Variants in VAV3 observed in about 807,000 individuals in gnomAD.
VAV3 encodes vav guanine nucleotide exchange factor 3, also known as guanine nucleotide exchange factor VAV3.
A neutral mutation model predicts 131.2 loss-of-function variants in VAV3; 94 were observed. That is an observed-to-expected ratio of 0.72 (90% CI 0.61 to 0.85). The LOEUF is 0.85. Among genes scored for constraint, VAV3 ranks in the 40% least tolerant of loss-of-function variants. VAV3 has a pLI of 0.00. For synonymous variants in VAV3, 349 were observed against 342.0 expected (o/e 1.02, Z -0.22); for missense variants, 939 against 1,002.7 (o/e 0.94, Z 0.86).
chr1:107,679,824 T>C (rs1658477131), intron 19 of VAV3, among the ~76,000 whole-genome samples: 1 of 152,212 alleles, frequency 6.6e-6, no homozygotes, highest in African/African-American at 2.4e-5. Context: ...TTGATATGTC[T>C]GTTACAAGTG....
Position 107,898,533 on chromosome 1 carries a change from C to T in VAV3, c.205-23516G>A, listed in dbSNP as rs115048918. 6.5e-3 allele frequency among the ~76,000 whole-genome samples: 983 copies of T among 152,216 alleles called. 11 individuals are homozygous for T. Among genetic ancestry groups the T allele is most frequent in the African/African-American group, 0.023 (943 of 41,538 alleles). On this transcript the variant is annotated intron_variant, in intron 1 of 26. Transcript: ENST00000370056. ...TAAGTGCTCTGTTACTTAATACATC[C>T]ATTTACATTATTACCATAAAGATGA... is the stretch of plus-strand genomic sequence containing the variant.
intron 1 of VAV3, among the ~76,000 whole-genome samples, chr1:107,928,670 C>G (rs769621143): frequency 2.0e-5 from 3 of 152,050 alleles, no homozygotes; most frequent in Non-Finnish European, 4.4e-5. Flanking sequence ...AATTAGTGAG[C>G]TTGACAGCAG....
chr1:107,803,802 G>T (rs1666935039), intron 2 of VAV3, among the ~76,000 whole-genome samples: 1 of 151,974 alleles, frequency 6.6e-6, no homozygotes, highest in Admixed American at 6.6e-5. Context: ...CTGTTTCTTT[G>T]TTGATTTTTT....
intron 20 of VAV3, among the ~76,000 whole-genome samples, chr1:107,636,843 A>C (rs1654966958): frequency 6.6e-6 from 1 of 152,192 alleles, no homozygotes; most frequent in Non-Finnish European, 1.5e-5. Context: ...GCAAAGTAGC[A>C]CTTAGAAAGA....
intron 15 of VAV3, among the ~76,000 whole-genome samples, chr1:107,743,109 G>A (rs1322127248): frequency 6.6e-6 from 1 of 152,202 alleles, no homozygotes; most frequent in East Asian, 1.9e-4. Flanking sequence ...AAAACTGATA[G>A]GAGATGGGGC....
intron 19 of VAV3, among the ~76,000 whole-genome samples, chr1:107,679,026 G>C (rs1272346420): frequency 6.6e-6 from 1 of 152,068 alleles, no homozygotes; most frequent in Non-Finnish European, 1.5e-5. Flanking sequence ...TTTGCGGAAA[G>C]GGGCCATGTT....
chr1:107,955,983 A>G (rs935021083), intron 1 of VAV3, among the ~76,000 whole-genome samples: 2 of 152,182 alleles, frequency 1.3e-5, no homozygotes, highest in Non-Finnish European at 2.9e-5. Context: ...AATATATCTC[A>G]CATCAAATGA....
intron 2 of VAV3, among the ~76,000 whole-genome samples, chr1:107,832,077 A>G (rs1292411862): frequency 6.6e-6 from 1 of 152,244 alleles, no homozygotes; most frequent in African/African-American, 2.4e-5. Flanking sequence ...CCAGGTGTGA[A>G]GTAAAGTCAG....
intron 2 of VAV3, among the ~76,000 whole-genome samples, chr1:107,866,589 G>C (rs1454705994): frequency 6.6e-6 from 1 of 151,938 alleles, no homozygotes; most frequent in East Asian, 1.9e-4. Context: ...GGGAGAGGCG[G>C]GTGGATCACC....
At chr1:107,772,630 C>G in intron 5 of VAV3, 105 bp downstream of exon 5, 1 of 932,226 alleles carries the variant, frequency 1.1e-6, no homozygotes, top group East Asian at 2.6e-5. Flanking sequence ...TATAAGCAAG[C>G]AAAGGTTAAA....
chr1:107,723,981 T>C (rs1485853408), intron 15 of VAV3, among the ~76,000 whole-genome samples: 1 of 152,064 alleles, frequency 6.6e-6, no homozygotes, highest in Non-Finnish European at 1.5e-5. Context: ...CATTTCTAAA[T>C]TGAAGCTCAG....
intron 1 of VAV3, among the ~76,000 whole-genome samples, chr1:107,912,796 C>A (rs956344309): frequency 2.0e-5 from 3 of 152,328 alleles, no homozygotes; most frequent in South Asian, 2.1e-4. Context: ...CCCTTAGGAA[C>A]CACATCTCTC....
At chr1:107,583,836 T>C (rs1210442813) in intron 25 of VAV3, among the ~76,000 whole-genome samples, 1 of 152,154 alleles carries the variant, frequency 6.6e-6, no homozygotes, top group Non-Finnish European at 1.5e-5. Flanking sequence ...CTGCCCAAGG[T>C]AATTTATAGA....
rs1024847575 is a variant in VAV3, at chr1:107,662,469, T to TCA, written c.1778-19716_1778-19715dup. ...GTCACAGGGATATAAGTTATCTCTC[T>TCA]CACACACACACACAGTGCATTTCCA... On this transcript the variant is annotated intron_variant, in intron 19 of 26. Coordinates refer to ENST00000370056, the MANE Select transcript of VAV3 (RefSeq NM_006113.5). 1.1e-4 allele frequency among the ~76,000 whole-genome samples: 16 copies of TCA among 151,864 alleles called. No individual in the cohort carries two copies. In the South Asian group the frequency reaches 1.9e-3, roughly 18 times the overall value.
chr1:107,667,796 GATTTT>G (rs1323064514), intron 19 of VAV3, among the ~76,000 whole-genome samples: 2 of 152,086 alleles, frequency 1.3e-5, no homozygotes, highest in Non-Finnish European at 2.9e-5. Flanking sequence ...ATTTTGCTAT[GATTTT>G]ATTTTCTAAT....
chr1:107,656,790 A>C (rs1656596998), intron 19 of VAV3, among the ~76,000 whole-genome samples: 1 of 152,100 alleles, frequency 6.6e-6, no homozygotes, highest in African/African-American at 2.4e-5. Flanking sequence ...TGCTGCCTGC[A>C]ATGTCCTTTC....
intron 20 of VAV3, among the ~76,000 whole-genome samples, chr1:107,618,069 G>A (rs1434414375): frequency 2.6e-5 from 4 of 151,914 alleles, no homozygotes; most frequent in Admixed American, 2.6e-4. Context: ...CCTCACATGC[G>A]CAGTTCACAG....
chr1:107,834,701 A>G (rs542935988), intron 2 of VAV3, among the ~76,000 whole-genome samples: 8 of 151,616 alleles, frequency 5.3e-5, no homozygotes, highest in Non-Finnish European at 7.4e-5. Flanking sequence ...CTTTGAACAG[A>G]TCTTTGGAGA....
intron 21 of VAV3, among the ~76,000 whole-genome samples, chr1:107,615,471 T>C (rs1653078378): frequency 6.6e-6 from 1 of 152,114 alleles, no homozygotes; most frequent in South Asian, 2.1e-4. Flanking sequence ...TGAAGACAAA[T>C]GTAAATCCTA....
Sources: gnomAD v4.1 joint callset for allele counts (sites outside exome capture counted in the v4.1 genomes callset) on GRCh38, gnomAD v4.1.1 for gene constraint, MANE v1.5 for transcripts, NCBI Gene and HGNC (gene_info 2026-07-23, HGNC 2026-07-21) for gene names.